NEMP2: variants seen among roughly 807,000 people sequenced by gnomAD.
The protein encoded by NEMP2 is UPF0571 transmembrane protein.
Under a neutral mutation model 54.2 loss-of-function variants are expected in NEMP2, and 53 were observed. The observed-to-expected ratio is 0.98, with a 90% confidence interval of 0.78 to 1.23. NEMP2 has a LOEUF of 1.23. NEMP2 is among the 50% of genes most tolerant of loss of function. The probability of loss-of-function intolerance (pLI) is 0.00; values close to 1 mark genes in which losing one functional copy is unlikely to be tolerated. For missense variants in NEMP2, 455 were observed against 511.3 expected (o/e 0.89, Z 1.06); for synonymous variants, 197 against 190.3 (o/e 1.04, Z -0.29).
chr2:190,459,566 CATTA>C, the NEMP2 span, among the ~76,000 whole-genome samples: 2 of 152,100 alleles, frequency 1.3e-5, no homozygotes, highest in African/African-American at 4.8e-5. The surrounding 1 kb of genome is among the most constrained non-coding windows in gnomAD (Gnocchi z 5.3). Flanking sequence ...GGTTGGGTTC[CATTA>C]ATCAAGGTTC....
Position 190,525,682 on chromosome 2 carries a change from G to A in NEMP2, c.98-304C>T, listed in dbSNP as rs561789374. ...ACCTTCTCAGAAAAGACAAAAATAT[G>A]AGTAAAGGGCTGAAGGGCAAGGTAG... On this transcript the variant is annotated intron_variant, in intron 1 of 8. Transcript: ENST00000409150. The surrounding 1 kb of genome is among the most constrained non-coding windows in gnomAD (Gnocchi z 5.0). 6.6e-6 allele frequency among the ~76,000 whole-genome samples: 1 copy of A among 152,104 alleles called. No homozygotes were observed. Among genetic ancestry groups the A allele is most frequent in the Non-Finnish European group, 1.5e-5 (1 of 68,028 alleles).
the NEMP2 span, among the ~76,000 whole-genome samples, chr2:190,495,831 AAAAAATC>A: frequency 1.3e-5 from 2 of 152,132 alleles, no homozygotes. The surrounding 1 kb of genome is among the most constrained non-coding windows in gnomAD (Gnocchi z 4.7). Context: ...TCACCGTATA[AAAAAATC>A]AACTCAAGAT....
At chr2:190,504,033 G>T (rs1690125738), downstream of NEMP2, among the ~76,000 whole-genome samples, 1 of 152,178 alleles carries the variant, frequency 6.6e-6, no homozygotes, top group South Asian at 2.1e-4. This position sits in a 1 kb window ranked among gnomAD's most constrained non-coding sequence, Gnocchi z 5.6. Flanking sequence ...GTGGCTCCAG[G>T]AAAGTCCCAG....
Position 190,525,168 on chromosome 2 carries a change from C to A in NEMP2, c.213+95G>T. The A allele has an allele frequency of 1.4e-6, 1 of 698,924 alleles. No individual in the cohort carries two copies. Among genetic ancestry groups the A allele is most frequent in the Non-Finnish European group, 2.4e-6 (1 of 412,842 alleles). The allele number at this position is 698,924 out of a possible 1,614,324, so 43.3% of individuals were successfully genotyped here. On this transcript the variant is annotated intron_variant, in intron 2 of 8. Coordinates refer to ENST00000409150, the MANE Select transcript of NEMP2 (RefSeq NM_001142645.2). The surrounding 1 kb of genome is among the most constrained non-coding windows in gnomAD (Gnocchi z 5.0). ...AGTGATACACAGATCTGTGTCATAC[C>A]AAAAATACTTTCTATTCCTGAAGTG...
the NEMP2 span, chr2:190,497,851 A>C: frequency 9.4e-7 from 1 of 1,065,052 alleles, no homozygotes; most frequent in African/African-American, 1.6e-5. The surrounding 1 kb of genome is among the most constrained non-coding windows in gnomAD (Gnocchi z 5.2). Flanking sequence ...ACATGCAAAC[A>C]ATTTCAGTAC....
the NEMP2 span, chr2:190,497,765 T>C: frequency 6.4e-7 from 1 of 1,564,228 alleles, no homozygotes; most frequent in Non-Finnish European, 8.7e-7. This position sits in a 1 kb window ranked among gnomAD's most constrained non-coding sequence, Gnocchi z 5.2. Flanking sequence ...TCACTCAAGA[T>C]ACCTTAACTG....
chr2:190,445,220 C>T, the NEMP2 span, among the ~76,000 whole-genome samples: 2 of 152,094 alleles, frequency 1.3e-5, no homozygotes, highest in African/African-American at 4.8e-5. Flanking sequence ...AGAATTGATG[C>T]AAAGCACTCA....
chr2:190,476,526 A>T, the NEMP2 span, among the ~76,000 whole-genome samples: 1 of 152,208 alleles, frequency 6.6e-6, no homozygotes, highest in Admixed American at 6.5e-5. Flanking sequence ...ACCAATTAGA[A>T]TGGCAATCAT....
At chr2:190,454,294 G>C in the NEMP2 span, 1 of 152,136 alleles carries the variant, frequency 6.6e-6, no homozygotes, top group East Asian at 1.9e-4. The surrounding 1 kb of genome is among the most constrained non-coding windows in gnomAD (Gnocchi z 4.6). Flanking sequence ...AATTGTGTTA[G>C]AGAGTGAAGG....
the NEMP2 span, among the ~76,000 whole-genome samples, chr2:190,593,040 C>G: frequency 6.6e-6 from 1 of 152,152 alleles, no homozygotes; most frequent in African/African-American, 2.4e-5. This position sits in a 1 kb window ranked among gnomAD's most constrained non-coding sequence, Gnocchi z 4.5. Context: ...TCTCCCAAGG[C>G]TTGGGTATGG....
At chr2:190,461,376 G>A in the NEMP2 span, among the ~76,000 whole-genome samples, 1 of 152,218 alleles carries the variant, frequency 6.6e-6, no homozygotes, top group Non-Finnish European at 1.5e-5. The surrounding 1 kb of genome is among the most constrained non-coding windows in gnomAD (Gnocchi z 5.5). Context: ...TCTCCTTAGA[G>A]ACTATCCATT....
the NEMP2 span, chr2:190,497,865 G>C: frequency 4.3e-6 from 4 of 924,772 alleles, no homozygotes; most frequent in Non-Finnish European, 6.4e-6. The surrounding 1 kb of genome is among the most constrained non-coding windows in gnomAD (Gnocchi z 5.2). Context: ...TCAGTACTCT[G>C]TGAGCACTGA....
chr2:190,457,178 C>T, the NEMP2 span, among the ~76,000 whole-genome samples: 75,485 of 151,878 alleles, frequency 0.5, 19,259 homozygotes, highest in Admixed American at 0.65. This position sits in a 1 kb window ranked among gnomAD's most constrained non-coding sequence, Gnocchi z 5.1. Flanking sequence ...ATTGCTATTA[C>T]CTACTGAAAG....
At chr2:190,618,059 T>C in the NEMP2 span, among the ~76,000 whole-genome samples, 3 of 152,184 alleles carry the variant, frequency 2.0e-5, no homozygotes, top group Non-Finnish European at 4.4e-5. Context: ...TAGAGGGGCG[T>C]AGGAGAGACC....
chr2:190,585,201 T>G, the NEMP2 span, among the ~76,000 whole-genome samples: 628 of 152,376 alleles, frequency 4.1e-3, 1 homozygote, highest in Non-Finnish European at 7.9e-3. This position sits in a 1 kb window ranked among gnomAD's most constrained non-coding sequence, Gnocchi z 5.3. Flanking sequence ...TGAATTTATC[T>G]AAATCTTTCT....
the NEMP2 span, chr2:190,454,406 G>A: frequency 6.6e-6 from 1 of 152,220 alleles, no homozygotes; most frequent in Non-Finnish European, 1.5e-5. The surrounding 1 kb of genome is among the most constrained non-coding windows in gnomAD (Gnocchi z 4.6). Context: ...GCTATTTAGA[G>A]ATGGGATCTT....
chr2:190,466,890 C>T, the NEMP2 span, among the ~76,000 whole-genome samples: 26 of 152,148 alleles, frequency 1.7e-4, no homozygotes, highest in African/African-American at 6.0e-4. Flanking sequence ...AGTTGTGAAC[C>T]GGTCACTCCA....
At chr2:190,582,533 C>A in the NEMP2 span, among the ~76,000 whole-genome samples, 1 of 152,088 alleles carries the variant, frequency 6.6e-6, no homozygotes, top group Non-Finnish European at 1.5e-5. The surrounding 1 kb of genome is among the most constrained non-coding windows in gnomAD (Gnocchi z 4.6). Flanking sequence ...TGGACATAGA[C>A]CTTAAAAAAA....
the NEMP2 span, among the ~76,000 whole-genome samples, chr2:190,604,162 C>T: frequency 6.6e-6 from 1 of 152,182 alleles, no homozygotes. The surrounding 1 kb of genome is among the most constrained non-coding windows in gnomAD (Gnocchi z 4.5). Context: ...CCTTCTCTCC[C>T]CCACTTTATT....
Sources: allele counts gnomAD v4.1 joint callset (sites outside exome capture counted in the v4.1 genomes callset), GRCh38; gene constraint gnomAD v4.1.1; non-coding constraint Gnocchi (gnomAD v3.1); transcripts MANE v1.5; gene names NCBI Gene and HGNC (gene_info 2026-07-23, HGNC 2026-07-21).